Variants in IGF2BP2 observed in about 807,000 individuals in gnomAD.
IGF2BP2 encodes insulin like growth factor 2 mRNA binding protein 2.
A neutral mutation model predicts 75.8 loss-of-function variants in IGF2BP2; 17 were observed. The ratio of observed to expected loss-of-function variants is 0.22; its 90% CI spans 0.15 to 0.34. IGF2BP2 has a LOEUF of 0.34. IGF2BP2 is among the 10% of genes least tolerant of loss of function. The pLI is 1.00. For synonymous variants in IGF2BP2, 288 were observed against 295.6 expected (o/e 0.97, Z 0.26); for missense variants, 516 against 772.4 (o/e 0.67, Z 3.93).
intron 2 of IGF2BP2, among the ~76,000 whole-genome samples, chr3:185,802,940 A>G (rs1173812790): frequency 1.3e-5 from 2 of 152,212 alleles, no homozygotes; most frequent in African/African-American, 4.8e-5. Context: ...TTTCTGACAA[A>G]TGTAGTTTGC....
At chr3:185,754,536 T>C (rs1042178349) in intron 2 of IGF2BP2, among the ~76,000 whole-genome samples, 2 of 152,002 alleles carry the variant, frequency 1.3e-5, no homozygotes, top group Non-Finnish European at 2.9e-5. Context: ...TGGATCTGGG[T>C]AATGGGCAGA....
At chr3:185,738,312 T>G (rs1190420672) in intron 2 of IGF2BP2, among the ~76,000 whole-genome samples, 1 of 152,206 alleles carries the variant, frequency 6.6e-6, no homozygotes, top group African/African-American at 2.4e-5. Context: ...ATCCTGCCTT[T>G]AAAGGGCTCA....
chr3:185,781,283 C>T (rs1019789605), intron 2 of IGF2BP2, among the ~76,000 whole-genome samples: 2 of 152,112 alleles, frequency 1.3e-5, no homozygotes, highest in Admixed American at 1.3e-4. Flanking sequence ...GTATCCATCT[C>T]CCAGCTTCAG....
intron 2 of IGF2BP2, among the ~76,000 whole-genome samples, chr3:185,699,882 T>A (rs571837938): frequency 6.6e-6 from 1 of 152,320 alleles, no homozygotes; most frequent in Admixed American, 6.5e-5. Flanking sequence ...CTTAGATTGT[T>A]TCTTGTTTTT....
At chr3:185,709,579 T>A (rs944607170) in intron 2 of IGF2BP2, among the ~76,000 whole-genome samples, 1 of 152,240 alleles carries the variant, frequency 6.6e-6, no homozygotes, top group Admixed American at 6.5e-5. Flanking sequence ...TGACAGCAGT[T>A]TACTTCTGAA....
chr3:185,676,997 T>C (rs2149247608), intron 7 of IGF2BP2, among the ~76,000 whole-genome samples: 1 of 134,288 alleles, frequency 7.4e-6, no homozygotes, highest in South Asian at 2.4e-4. Context: ...GAGATATATA[T>C]ATATGGAGAG....
In IGF2BP2 at chr3:185,677,028, TATATATATATATGGAG is replaced by T. The variant is rs1404256906; in HGVS notation, c.813-1131_813-1116del. Among the ~76,000 whole-genome samples the T allele has an allele frequency of 9.2e-4, 103 of 112,286 alleles. 1 individual carries two copies. Among genetic ancestry groups the T allele is most frequent in the African/African-American group, 3.3e-3 (96 of 28,708 alleles). The allele number at this position is 112,286 out of a possible 152,430, so 73.7% of individuals were successfully genotyped here. A position where few individuals can be genotyped will look rare whatever the true frequency, so the allele number is the denominator to read the frequency against. On this transcript the variant is annotated intron_variant, in intron 7 of 15. Transcript: ENST00000382199. ...GAGAGATTATATATATGGAGAGAGA[TATATATATATATGGAG>T]ATATATATATATATATATATATATA...
chr3:185,654,393 C>A (rs1715093760), intron 12 of IGF2BP2, among the ~76,000 whole-genome samples: 1 of 152,220 alleles, frequency 6.6e-6, no homozygotes, highest in Non-Finnish European at 1.5e-5. Flanking sequence ...GTCCTTATCT[C>A]TGAGTAAGCA....
intron 2 of IGF2BP2, among the ~76,000 whole-genome samples, chr3:185,757,197 A>G (rs571361971): frequency 1.3e-5 from 2 of 152,154 alleles, no homozygotes; most frequent in Non-Finnish European, 2.9e-5. Context: ...AATTCTATTT[A>G]TACCTGAGTG....
chr3:185,645,233 G>A lies in IGF2BP2; in HGVS notation c.*298C>T, dbSNP rs934992516. The A allele has an allele frequency of 4.5e-6, 2 of 444,972 alleles. No individual in the cohort carries two copies. Among genetic ancestry groups the A allele is most frequent in the Non-Finnish European group, 8.1e-6 (2 of 245,408 alleles). 27.6% of individuals were successfully genotyped at this position (444,972 alleles called of 1,614,324 possible). A position where few individuals can be genotyped will look rare whatever the true frequency, so the allele number is the denominator to read the frequency against. On this transcript the variant is annotated 3_prime_UTR_variant, in exon 16 of 16. Transcript: ENST00000382199. The surrounding 1 kb of genome is among the most constrained non-coding windows in gnomAD (Gnocchi z 4.9). ...TAGTTCAACTAAAAGGGATAGCGTC[G>A]TGGGAGTTCAGGAGAGATCCGAGTG...
chr3:185,749,861 T>C (rs1308826129), intron 2 of IGF2BP2, among the ~76,000 whole-genome samples: 1 of 152,188 alleles, frequency 6.6e-6, no homozygotes, highest in East Asian at 1.9e-4. Flanking sequence ...GAAATGAGCC[T>C]GTGCCTGAGA....
At position 185,820,574 on chromosome 3, in the gene IGF2BP2, T is replaced by C. The variant is rs535645214; in HGVS notation, c.239+2579A>G. ...AAGAAAAGAGTTTTCTATTTCTAAG[T>C]GACCCTGAGAAAATAATGGCATCTA... On this transcript the variant is annotated intron_variant, in intron 2 of 15. Transcript: ENST00000382199. 5.9e-5 allele frequency among the ~76,000 whole-genome samples: 9 copies of C among 152,262 alleles called. No individual in the cohort carries two copies. The South Asian group carries it at 1.9e-3, about 32-fold the overall frequency.
intron 2 of IGF2BP2, among the ~76,000 whole-genome samples, chr3:185,755,162 C>G (rs891462741): frequency 6.6e-6 from 1 of 152,212 alleles, no homozygotes; most frequent in Admixed American, 6.5e-5. Flanking sequence ...GAGGAAAGAA[C>G]GGTTTAGTGG....
In IGF2BP2 at chr3:185,824,819, G is replaced by C; in HGVS notation, c.142C>G (p.Gln48Glu). Residue 48 changes from glutamine (Q) to glutamate (E), a missense_variant, in exon 1 of 16, where the codon CAG becomes GAG. Gln to Glu is a conservative substitution (Grantham distance 29). This residue lies in a region of IGF2BP2 where 312 missense variants were observed against 474.5 expected (regional missense o/e 0.66). Coordinates refer to ENST00000382199, the MANE Select transcript of IGF2BP2 (RefSeq NM_006548.6). ...TCGATGGCGCGGATGGCCCAGTTCT[G>C]GTCGGGGTAGTCCACGAAGGCGTAG... is the stretch of plus-strand genomic sequence containing the variant. Reference protein sequence around the residue: ...SGYAFVDYPDQNWAIRAIETL... With the variant: ...SGYAFVDYPDENWAIRAIETL... 5 of 1,515,936 alleles carry C rather than the reference G, an allele frequency of 3.3e-6. No homozygotes were observed. The highest frequency in any genetic ancestry group is 4.4e-6 in the Non-Finnish European group (5 of 1,127,176). The allele number at this position is 1,515,936 out of a possible 1,614,324, so 93.9% of individuals were successfully genotyped here.
intron 1 of IGF2BP2, 187 bp from the exon 2 acceptor site, chr3:185,823,400 G>T: frequency 6.1e-6 from 3 of 491,040 alleles, no homozygotes; most frequent in Non-Finnish European, 1.1e-5. Context: ...CGTGTCTCGG[G>T]ACAAGGCGAG....
At position 185,657,268 on chromosome 3, in the gene IGF2BP2, C is replaced by T. The variant is rs544539097; in HGVS notation, c.1386+18G>A. ...GGAGGTGGTAGAAGGGCCACAGGGC[C>T]GTCAGGAGCAGCCTCACCTTGATAG... On this transcript the variant is annotated intron_variant, in intron 12 of 15. Transcript: ENST00000382199. The T allele has an allele frequency of 1.8e-5, 28 of 1,576,870 alleles. No individual in the cohort carries two copies. Among genetic ancestry groups the T allele is most frequent in the African/African-American group, 5.4e-5 (4 of 74,170 alleles).
intron 11 of IGF2BP2, among the ~76,000 whole-genome samples, chr3:185,657,872 C>T (rs189256641): frequency 6.6e-5 from 10 of 152,314 alleles, no homozygotes; most frequent in Admixed American, 2.0e-4. Flanking sequence ...CCCAGCTGCA[C>T]GGTGACTGGC....
intron 2 of IGF2BP2, among the ~76,000 whole-genome samples, chr3:185,752,576 G>C (rs1731099338): frequency 6.6e-6 from 1 of 152,004 alleles, no homozygotes; most frequent in Non-Finnish European, 1.5e-5. Flanking sequence ...CCTAAAGGTA[G>C]TAAGAGCATA....
intron 2 of IGF2BP2, among the ~76,000 whole-genome samples, chr3:185,788,973 A>G (rs887517219): frequency 6.6e-6 from 1 of 152,056 alleles, no homozygotes; most frequent in Non-Finnish European, 1.5e-5. Flanking sequence ...TTTGCTTCCC[A>G]AAGTGCTGGG....
Sources: allele counts gnomAD v4.1 joint callset (sites outside exome capture counted in the v4.1 genomes callset), GRCh38; gene constraint gnomAD v4.1.1; regional missense constraint gnomAD v4.1.1; non-coding constraint Gnocchi (gnomAD v3.1); transcripts MANE v1.5; gene names NCBI Gene and HGNC (gene_info 2026-07-23, HGNC 2026-07-21).